The following CIST1 variants were observed in gnomAD, a reference collection of about 807,000 sequenced individuals.
CIST1 encodes the protein colon, intestine and stomach enriched 1.
the CIST1 span, among the ~76,000 whole-genome samples, chr19:18,253,991 G>A: frequency 6.6e-6 from 1 of 152,288 alleles, no homozygotes; most frequent in East Asian, 1.9e-4. Flanking sequence ...CAGAAATGCG[G>A]AAATAACACA....
the CIST1 span, among the ~76,000 whole-genome samples, chr19:18,253,465 C>T: frequency 1.3e-5 from 2 of 151,724 alleles, no homozygotes; most frequent in African/African-American, 4.8e-5. Flanking sequence ...GTGGGAGGAT[C>T]GCTTGAGTCC....
At chr19:18,250,744 T>C in the CIST1 span, among the ~76,000 whole-genome samples, 1 of 151,716 alleles carries the variant, frequency 6.6e-6, no homozygotes, top group Admixed American at 6.6e-5. Context: ...GTAGCTAGGA[T>C]TACAGGCATG....
At chr19:18,252,357 G>T in the CIST1 span, 1 of 399,068 alleles carries the variant, frequency 2.5e-6, no homozygotes, top group East Asian at 3.6e-5. Context: ...CAAACTCATG[G>T]TGCTGGAGTA....
chr19:18,253,550 CA>C, the CIST1 span, among the ~76,000 whole-genome samples: 4 of 123,752 alleles, frequency 3.2e-5, no homozygotes, highest in African/African-American at 5.4e-5. Flanking sequence ...GACTCCGTCT[CA>C]AAAAAAAAAA....
the CIST1 span, among the ~76,000 whole-genome samples, chr19:18,254,219 C>T: frequency 6.6e-5 from 10 of 152,148 alleles, no homozygotes; most frequent in African/African-American, 1.4e-4. Context: ...CCTCAAGGAC[C>T]CTTGTCCTCT....
At chr19:18,253,927 T>C in the CIST1 span, among the ~76,000 whole-genome samples, 1 of 152,214 alleles carries the variant, frequency 6.6e-6, no homozygotes, top group Non-Finnish European at 1.5e-5. Context: ...GCTCCACCCA[T>C]GCACTCTGCT....
the CIST1 span, among the ~76,000 whole-genome samples, chr19:18,253,545 C>T: frequency 6.0e-4 from 34 of 56,770 alleles, no homozygotes; most frequent in Middle Eastern, 6.8e-3. Flanking sequence ...AGTGAGACTC[C>T]GTCTCAAAAA....
chr19:18,255,204 C>CCTT, the CIST1 span: 11,003 of 398,816 alleles, frequency 0.028, 1,062 homozygotes, highest in African/African-American at 0.2. This position sits in a 1 kb window ranked among gnomAD's most constrained non-coding sequence, Gnocchi z 4.6. Flanking sequence ...AGCTGAGCCT[C>CCTT]TTTACCAGCT....
At chr19:18,252,143 C>T in the CIST1 span, 3 of 398,640 alleles carry the variant, frequency 7.5e-6, no homozygotes, top group Middle Eastern at 6.3e-4. Flanking sequence ...GGCTCCAGTG[C>T]GGGGTCAGGG....
chr19:18,252,150 A>C, the CIST1 span: 1 of 399,196 alleles, frequency 2.5e-6, no homozygotes, highest in Non-Finnish European at 4.4e-6. Flanking sequence ...GTGCGGGGTC[A>C]GGGATTCGGA....
the CIST1 span, chr19:18,252,048 ATCTCT>A: frequency 2.5e-6 from 1 of 398,452 alleles, no homozygotes; most frequent in Non-Finnish European, 4.4e-6. Context: ...AAACACCCAA[ATCTCT>A]TAATACTCAC....
chr19:18,250,834 C>T, the CIST1 span, among the ~76,000 whole-genome samples: 4 of 148,250 alleles, frequency 2.7e-5, no homozygotes, highest in South Asian at 8.6e-4. Context: ...AGTGCAGTGA[C>T]GTTATCTCAG....
At chr19:18,255,350 T>G in the CIST1 span, 97 of 398,746 alleles carry the variant, frequency 2.4e-4, no homozygotes, top group Non-Finnish European at 4.1e-4. This position sits in a 1 kb window ranked among gnomAD's most constrained non-coding sequence, Gnocchi z 4.6. Context: ...CACAGGTGTG[T>G]GGCCAGGTGT....
the CIST1 span, chr19:18,250,447 C>T: frequency 1.5e-4 from 61 of 399,148 alleles, no homozygotes; most frequent in African/African-American, 1.1e-3. Context: ...TCCTGTGTAA[C>T]TCACGGGGCC....
chr19:18,251,706 G>GCCCCCGCCCCCGCCCCCGCCCCCGC, the CIST1 span, among the ~76,000 whole-genome samples: 3 of 35,452 alleles, frequency 8.5e-5, no homozygotes, highest in Non-Finnish European at 1.8e-4. Context: ...CCCGCCCTCG[G>GCCCCCGCCCCCGCCCCCGCCCCCGC]CCTCCCAAAG....
the CIST1 span, chr19:18,255,127 A>AG: frequency 2.5e-6 from 1 of 395,964 alleles, no homozygotes; most frequent in African/African-American, 2.1e-5. The surrounding 1 kb of genome is among the most constrained non-coding windows in gnomAD (Gnocchi z 4.6). Flanking sequence ...GGCCTGAGGG[A>AG]GGGGTCCAGA....
the CIST1 span, chr19:18,252,407 G>C: frequency 2.5e-6 from 1 of 398,976 alleles, no homozygotes; most frequent in Non-Finnish European, 4.4e-6. Flanking sequence ...TGCTGTGGGC[G>C]AAGGGAGAAG....
chr19:18,255,313 C>T, the CIST1 span: 5 of 398,866 alleles, frequency 1.3e-5, no homozygotes, highest in Admixed American at 4.4e-5. The surrounding 1 kb of genome is among the most constrained non-coding windows in gnomAD (Gnocchi z 4.6). Context: ...GCCATTCCTG[C>T]GCCGGGAGGG....
the CIST1 span, chr19:18,250,385 C>T: frequency 2.5e-6 from 1 of 399,098 alleles, no homozygotes; most frequent in Non-Finnish European, 4.4e-6. Context: ...GACCACAGAC[C>T]CGATGAGCAA....
Sources: gnomAD v4.1 joint callset for allele counts (sites outside exome capture counted in the v4.1 genomes callset) on GRCh38, gnomAD v4.1.1 for gene constraint, Gnocchi (gnomAD v3.1) non-coding constraint, MANE v1.5 for transcripts, NCBI Gene and HGNC (gene_info 2026-07-23, HGNC 2026-07-21) for gene names.